Variants in ST6GALNAC3 observed in about 807,000 individuals in gnomAD.
The protein encoded by ST6GALNAC3 is ST6 N-acetylgalactosaminide alpha-2,6-sialyltransferase 3, also known as alpha-N-acetylgalactosaminide alpha-2,6-sialyltransferase 3.
In ST6GALNAC3, 25 loss-of-function variants were observed where a neutral mutation model predicts 32.7. The ratio of observed to expected loss-of-function variants is 0.76; its 90% confidence interval spans 0.56 to 1.07. The LOEUF is 1.07. Among genes scored for constraint, ST6GALNAC3 ranks in the 50% least tolerant of loss-of-function variants. The pLI, the probability that ST6GALNAC3 is intolerant of heterozygous loss-of-function variation, is 0.00. For synonymous variants in ST6GALNAC3, 129 were observed against 133.1 expected (o/e 0.97, Z 0.21); for missense variants, 355 against 382.4 (o/e 0.93, Z 0.60).
intron 3 of ST6GALNAC3, among the ~76,000 whole-genome samples, chr1:76,434,628 G>A (rs1468782410): frequency 6.6e-6 from 1 of 151,956 alleles, no homozygotes; most frequent in African/African-American, 2.4e-5. Context: ...TAAAGGGAGA[G>A]GTTAAAGTTA....
intron 1 of ST6GALNAC3, among the ~76,000 whole-genome samples, chr1:76,280,333 T>C (rs997316422): frequency 1.3e-5 from 2 of 152,212 alleles, no homozygotes; most frequent in Non-Finnish European, 2.9e-5. Context: ...AGTACAGAAA[T>C]TCTGGTGACT....
At chr1:76,559,183 A>C (rs1395227767) in intron 3 of ST6GALNAC3, among the ~76,000 whole-genome samples, 1 of 152,150 alleles carries the variant, frequency 6.6e-6, no homozygotes, top group Non-Finnish European at 1.5e-5. Flanking sequence ...CTGGTTCAAG[A>C]AGGCCAAATC....
intron 2 of ST6GALNAC3, among the ~76,000 whole-genome samples, chr1:76,352,608 C>G (rs1006983178): frequency 1.4e-5 from 2 of 146,462 alleles, no homozygotes; most frequent in Non-Finnish European, 3.0e-5. Context: ...ATGACCTAAT[C>G]TAATTACATT....
chr1:76,234,997 C>T (rs1656568058), intron 1 of ST6GALNAC3, among the ~76,000 whole-genome samples: 1 of 152,188 alleles, frequency 6.6e-6, no homozygotes. Context: ...TGGGCTTCAG[C>T]TTCTCTACAG....
intron 1 of ST6GALNAC3, among the ~76,000 whole-genome samples, chr1:76,231,705 A>G (rs1316468545): frequency 2.0e-5 from 3 of 152,204 alleles, no homozygotes; most frequent in African/African-American, 7.2e-5. Context: ...TATCCACTAT[A>G]GGTATATGTC....
intron 3 of ST6GALNAC3, among the ~76,000 whole-genome samples, chr1:76,576,472 T>C (rs1446836181): frequency 3.3e-5 from 5 of 152,060 alleles, no homozygotes; most frequent in African/African-American, 9.7e-5. Context: ...TTTTCCCCTA[T>C]TGCAGTTAGA....
chr1:76,097,430 A>G (rs1353972978), intron 1 of ST6GALNAC3, among the ~76,000 whole-genome samples: 1 of 152,140 alleles, frequency 6.6e-6, no homozygotes, highest in East Asian at 1.9e-4. Flanking sequence ...CTTTCCCCCT[A>G]CTTTGCTCTG....
chr1:76,451,430 G>T lies in ST6GALNAC3; in HGVS notation c.623+39013G>T, dbSNP rs534081678. 7.9e-5 allele frequency among the ~76,000 whole-genome samples: 12 copies of T among 152,286 alleles called. No individual in the cohort carries two copies. The South Asian group carries it at 2.3e-3, about 29-fold the overall frequency. ...CACAAGAACAGCATGGGAGAAACCT[G>T]CCCCTGTGATTCAGTTACCTCCCAC... On this transcript the variant is annotated intron_variant, in intron 3 of 4. Coordinates refer to ENST00000328299, the MANE Select transcript of ST6GALNAC3 (RefSeq NM_152996.4).
chr1:76,474,002 AC>A (rs1365315912), intron 3 of ST6GALNAC3, among the ~76,000 whole-genome samples: 5 of 152,128 alleles, frequency 3.3e-5, no homozygotes, highest in African/African-American at 1.2e-4. Flanking sequence ...GTAGACAGAG[AC>A]CCAGGGGATG....
At chr1:76,089,189 C>T (rs143477425) in intron 1 of ST6GALNAC3, among the ~76,000 whole-genome samples, 1,955 of 152,182 alleles carry the variant, frequency 0.013, 40 homozygotes, top group African/African-American at 0.045. Flanking sequence ...CCACTACGCC[C>T]GGCTAATTTT....
At chr1:76,266,803 T>C (rs1658553208) in intron 1 of ST6GALNAC3, among the ~76,000 whole-genome samples, 1 of 152,194 alleles carries the variant, frequency 6.6e-6, no homozygotes, top group South Asian at 2.1e-4. Flanking sequence ...GGGAATTACC[T>C]GAACTCTCAT....
chr1:76,210,581 A>G (rs915369912), intron 1 of ST6GALNAC3, among the ~76,000 whole-genome samples: 4 of 152,210 alleles, frequency 2.6e-5, no homozygotes, highest in Non-Finnish European at 5.9e-5. Flanking sequence ...CATAAACAAC[A>G]GAAATATATT....
rs1313651367 is a variant in ST6GALNAC3, at chr1:76,628,918, A to G, written c.*112A>G. ...AATGATAAAGACAACAACAATGATT[A>G]TCAAGTTCCTGTACACTCTCAGATG... is the stretch of plus-strand genomic sequence containing the variant. On this transcript the variant is annotated 3_prime_UTR_variant, in exon 5 of 5. Transcript: ENST00000328299. 6.5e-7 allele frequency: 1 copy of G among 1,535,860 alleles called. No individual in the cohort carries two copies. The highest frequency in any genetic ancestry group is 8.7e-7 in the Non-Finnish European group (1 of 1,152,264).
intron 1 of ST6GALNAC3, among the ~76,000 whole-genome samples, chr1:76,120,122 T>A (rs1474974704): frequency 6.6e-6 from 1 of 152,270 alleles, no homozygotes; most frequent in African/African-American, 2.4e-5. Flanking sequence ...CCAAAGTCAC[T>A]GACCATTTAG....
At chr1:76,109,562 T>A (rs921977163) in intron 1 of ST6GALNAC3, among the ~76,000 whole-genome samples, 1 of 152,234 alleles carries the variant, frequency 6.6e-6, no homozygotes, top group Non-Finnish European at 1.5e-5. Context: ...TGGGTGTGTG[T>A]CCTGCCCTTT....
intron 1 of ST6GALNAC3, among the ~76,000 whole-genome samples, chr1:76,151,839 C>G (rs1651065802): frequency 6.6e-6 from 1 of 152,166 alleles, no homozygotes; most frequent in Non-Finnish European, 1.5e-5. Context: ...AGATGGGAGT[C>G]TAGACATTGT....
chr1:76,429,704 A>G (rs1033294761), intron 3 of ST6GALNAC3, among the ~76,000 whole-genome samples: 2 of 152,156 alleles, frequency 1.3e-5, no homozygotes, highest in African/African-American at 4.8e-5. Flanking sequence ...TTTCACTTAC[A>G]GAATGATAGA....
intron 1 of ST6GALNAC3, among the ~76,000 whole-genome samples, chr1:76,192,253 T>G (rs1425384413): frequency 6.6e-6 from 1 of 152,220 alleles, no homozygotes; most frequent in African/African-American, 2.4e-5. Flanking sequence ...GAACTCATTT[T>G]CTTCAAAATC....
chr1:76,598,031 G>T (rs925358475), intron 3 of ST6GALNAC3, among the ~76,000 whole-genome samples: 6 of 152,078 alleles, frequency 3.9e-5, no homozygotes, highest in African/African-American at 1.4e-4. Context: ...TCTGCAGGCC[G>T]GGAATACCAA....
Sources: gnomAD v4.1 joint callset for allele counts (sites outside exome capture counted in the v4.1 genomes callset) on GRCh38, gnomAD v4.1.1 for gene constraint, MANE v1.5 for transcripts, NCBI Gene and HGNC (gene_info 2026-07-23, HGNC 2026-07-21) for gene names.